Variants in RAPGEF5 observed in about 807,000 individuals in gnomAD.
RAPGEF5 encodes the protein M-Ras-regulated GEF.
Under a neutral mutation model 125.2 loss-of-function variants are expected in RAPGEF5, and 65 were observed. The ratio of observed to expected loss-of-function variants is 0.52; its 90% CI spans 0.43 to 0.64. The LOEUF is 0.64. RAPGEF5 is among the 30% of genes least tolerant of loss of function. The pLI is 0.00. For missense variants in RAPGEF5, 958 were observed against 1,048.1 expected, an observed-to-expected ratio of 0.91 and a Z score of 1.19; for synonymous variants, 391 against 385.9, an observed-to-expected ratio of 1.01 and a Z score of -0.16.
chr7:22,122,613 T>G, intron 25 of RAPGEF5, 92 bp from the exon 26 acceptor site: 1 of 882,038 alleles, frequency 1.1e-6, no homozygotes. Context: ...GCTGAGTAAA[T>G]GTACTAGGTG....
intron 8 of RAPGEF5, among the ~76,000 whole-genome samples, chr7:22,226,729 T>C (rs1785928087): frequency 1.3e-5 from 2 of 152,178 alleles, no homozygotes; most frequent in Admixed American, 1.3e-4. Context: ...AGAAATCATT[T>C]CATAATTCCT....
At chr7:22,166,005 TA>T (rs1784149793) in intron 12 of RAPGEF5, among the ~76,000 whole-genome samples, 1 of 148,890 alleles carries the variant, frequency 6.7e-6, no homozygotes, top group African/African-American at 2.5e-5. Context: ...TATATATATA[TA>T]CACCAAATAT....
chr7:22,239,630 C>CT (rs896166664), intron 7 of RAPGEF5, among the ~76,000 whole-genome samples: 57 of 147,356 alleles, frequency 3.9e-4, no homozygotes, highest in Middle Eastern at 3.5e-3. Context: ...ACTCTTACAT[C>CT]TTTTTTTTTT....
intron 1 of RAPGEF5, among the ~76,000 whole-genome samples, chr7:22,321,771 C>T (rs532567871): frequency 5.1e-4 from 78 of 152,242 alleles, no homozygotes; most frequent in African/African-American, 1.9e-3. Flanking sequence ...TTCTTACAAA[C>T]CCAGGAAGAT....
chr7:22,295,054 A>G (rs1214210603), intron 5 of RAPGEF5, among the ~76,000 whole-genome samples: 1 of 152,240 alleles, frequency 6.6e-6, no homozygotes, highest in African/African-American at 2.4e-5. Context: ...AATAAATGAA[A>G]GTTTGTATGC....
intron 18 of RAPGEF5, 101 bp from the exon 19 acceptor site, chr7:22,147,120 A>T (rs958566829): frequency 7.0e-7 from 1 of 1,419,152 alleles, no homozygotes; most frequent in African/African-American, 1.4e-5. Context: ...TAGCAAAGTA[A>T]TCTTTTCTGA....
At chr7:22,179,142 T>C (rs1269394759) in intron 11 of RAPGEF5, among the ~76,000 whole-genome samples, 1 of 152,190 alleles carries the variant, frequency 6.6e-6, no homozygotes, top group Non-Finnish European at 1.5e-5. Flanking sequence ...TATGTCACAA[T>C]AATAGAATAT....
intron 19 of RAPGEF5, 97 bp from the exon 20 acceptor site, chr7:22,145,319 C>A: frequency 8.5e-7 from 1 of 1,175,896 alleles, no homozygotes. Flanking sequence ...GGTAGTTCCT[C>A]CCATATTATT....
At chr7:22,165,975 C>G (rs1317641555) in intron 12 of RAPGEF5, among the ~76,000 whole-genome samples, 1 of 150,184 alleles carries the variant, frequency 6.7e-6, no homozygotes, top group Non-Finnish European at 1.5e-5. Flanking sequence ...GCCATCATGC[C>G]CAGCTAGTTT....
chr7:22,129,145 T>C (rs1195180070), intron 24 of RAPGEF5, among the ~76,000 whole-genome samples: 1 of 152,048 alleles, frequency 6.6e-6, no homozygotes, highest in East Asian at 1.9e-4. Flanking sequence ...TGTGACTTTA[T>C]GGACTTGTTC....
In RAPGEF5 at chr7:22,159,776, A is replaced by T. The variant is rs117712266; in HGVS notation, c.1526+742T>A. On this transcript the variant is annotated intron_variant, in intron 14 of 25. Coordinates refer to ENST00000665637, the MANE Select transcript of RAPGEF5 (RefSeq NM_012294.5). ...GGCTTTTTAAAGTCTTTCTAAATTG[A>T]TAAAGAAACCTCAGGGAACCCATAA... Among the ~76,000 whole-genome samples the T allele has an allele frequency of 4.2e-3, 645 of 152,120 alleles. 2 individuals carry two copies. The highest frequency in any genetic ancestry group is 5.7e-3 in the Non-Finnish European group (389 of 67,998).
chr7:22,305,513 T>C (rs1223322346), intron 5 of RAPGEF5, among the ~76,000 whole-genome samples: 1 of 152,196 alleles, frequency 6.6e-6, no homozygotes, highest in African/African-American at 2.4e-5. Context: ...TCATAGAGAA[T>C]GGGGTACCTA....
intron 11 of RAPGEF5, among the ~76,000 whole-genome samples, chr7:22,171,608 C>T (rs1784351648): frequency 6.6e-6 from 1 of 152,194 alleles, no homozygotes; most frequent in Non-Finnish European, 1.5e-5. Flanking sequence ...AAGTGATTCT[C>T]CGGCCTCAGC....
chr7:22,261,534 C>G (rs971661511), intron 7 of RAPGEF5, among the ~76,000 whole-genome samples: 2 of 152,112 alleles, frequency 1.3e-5, no homozygotes, highest in Non-Finnish European at 2.9e-5. Flanking sequence ...ACTGCTTGAG[C>G]CTGGGAGGTC....
chr7:22,202,143 G>A (rs911925819), intron 9 of RAPGEF5, among the ~76,000 whole-genome samples: 5 of 152,188 alleles, frequency 3.3e-5, no homozygotes, highest in African/African-American at 1.2e-4. Flanking sequence ...AGAACAAAAG[G>A]ACAAAATCTA....
chr7:22,122,889 T>G (rs1394705285), intron 25 of RAPGEF5, among the ~76,000 whole-genome samples: 1 of 152,202 alleles, frequency 6.6e-6, no homozygotes, highest in Non-Finnish European at 1.5e-5. Context: ...TTAGGTAGCC[T>G]TTCACAGCAG....
chr7:22,219,615 T>C (rs1037190289), intron 9 of RAPGEF5, among the ~76,000 whole-genome samples: 36 of 152,028 alleles, frequency 2.4e-4, no homozygotes, highest in Admixed American at 2.2e-3. Context: ...GATTCATATT[T>C]GCTTAAATGT....
At chr7:22,220,114 G>T in intron 8 of RAPGEF5, 123 bp from the exon 9 acceptor site, 2 of 1,274,584 alleles carry the variant, frequency 1.6e-6, no homozygotes, top group South Asian at 1.6e-5. Flanking sequence ...TCATGGTCTT[G>T]GTAAAATATT....
At chr7:22,296,383 G>A (rs77253451) in intron 5 of RAPGEF5, among the ~76,000 whole-genome samples, 82 of 152,266 alleles carry the variant, frequency 5.4e-4, no homozygotes, top group Non-Finnish European at 8.4e-4. Flanking sequence ...CAGTCAGGAG[G>A]CAGAGGACAT....
Sources: gnomAD v4.1 joint callset for allele counts (sites outside exome capture counted in the v4.1 genomes callset) on GRCh38, gnomAD v4.1.1 for gene constraint, MANE v1.5 for transcripts, NCBI Gene and HGNC (gene_info 2026-07-23, HGNC 2026-07-21) for gene names.